The following CNST variants were observed in gnomAD, a reference collection of about 807,000 sequenced individuals.
CNST encodes the protein consortin.
A neutral mutation model predicts 72.4 loss-of-function variants in CNST; 39 were observed. The ratio of observed to expected loss-of-function variants is 0.54; its 90% confidence interval spans 0.42 to 0.70. The LOEUF is 0.70. Among genes scored for constraint, CNST ranks in the 30% least tolerant of loss-of-function variants. The pLI is 0.00. For synonymous variants in CNST, 332 were observed against 320.1 expected, an observed-to-expected ratio of 1.04 and a Z score of -0.40; for missense variants, 871 against 868.5, an observed-to-expected ratio of 1.00 and a Z score of -0.04.
chr1:246,661,063 A>G (rs1455343552), intron 10 of CNST, among the ~76,000 whole-genome samples: 4 of 151,820 alleles, frequency 2.6e-5, no homozygotes, highest in Non-Finnish European at 5.9e-5. Flanking sequence ...TCCACCTCCC[A>G]GGTTCAAGCA....
rs376925850 is a variant in CNST at position 246,617,432 on chromosome 1, C to T, written c.380-3997C>T. The stretch of plus-strand genomic sequence containing the variant: ...AAATAAGATTGGACTTGTCTCAGAA[C>T]TGCTTTACCACTCTTGTGACCTTTT... On this transcript the variant is annotated intron_variant, in intron 2 of 10. Coordinates refer to ENST00000366513, the MANE Select transcript of CNST (RefSeq NM_152609.3). Among the ~76,000 whole-genome samples the T allele has an allele frequency of 1.1e-4, 16 of 152,362 alleles. No individual in the cohort carries two copies. The East Asian group carries it at 2.7e-3, about 26-fold the overall frequency.
chr1:246,628,053 C>T (rs375081828), intron 3 of CNST, among the ~76,000 whole-genome samples: 2 of 152,044 alleles, frequency 1.3e-5, no homozygotes, highest in South Asian at 2.1e-4. Context: ...GTCTGATGGT[C>T]GAGGGCAGGA....
Position 246,666,163 on chromosome 1 carries a change from C to T in CNST, c.*258C>T. The T allele has an allele frequency of 2.3e-6, 1 of 443,932 alleles. No homozygotes were observed. The highest frequency in any genetic ancestry group is 3.2e-5 in the South Asian group (1 of 30,912). The allele number at this position is 443,932 out of a possible 1,614,324, so 27.5% of individuals were successfully genotyped here. On this transcript the variant is annotated 3_prime_UTR_variant, in exon 11 of 11. Transcript: ENST00000366513. ...CATATCCATCTCCTCCTCACTGCCT[C>T]CTAATGTCATGAGGTACACTGAGCA... is the stretch of plus-strand genomic sequence containing the variant.
At chr1:246,665,364 CCT>C (rs761245910) in intron 10 of CNST, among the ~76,000 whole-genome samples, 3 of 152,108 alleles carry the variant, frequency 2.0e-5, no homozygotes, top group Non-Finnish European at 4.4e-5. Flanking sequence ...AAAGTGAGAC[CCT>C]GTCTCTAAAA....
chr1:246,646,792 C>T (rs539207908), intron 8 of CNST, among the ~76,000 whole-genome samples: 1 of 152,120 alleles, frequency 6.6e-6, no homozygotes. Context: ...ATACACCATG[C>T]CTTAAATGTG....
intron 1 of CNST, among the ~76,000 whole-genome samples, chr1:246,571,096 G>C (rs1331383055): frequency 3.9e-5 from 6 of 152,172 alleles, no homozygotes; most frequent in Non-Finnish European, 8.8e-5. Context: ...ATTCGTTAAA[G>C]AACACATCAT....
chr1:246,617,519 C>A (rs140922382), intron 2 of CNST, among the ~76,000 whole-genome samples: 59 of 152,308 alleles, frequency 3.9e-4, no homozygotes, highest in African/African-American at 1.4e-3. Flanking sequence ...CTGCTTTTGG[C>A]ATGCACTGTC....
intron 8 of CNST, among the ~76,000 whole-genome samples, chr1:246,646,471 C>T (rs1666078547): frequency 6.6e-6 from 1 of 151,674 alleles, no homozygotes; most frequent in African/African-American, 2.4e-5. Context: ...CTTAATACAC[C>T]ATGTCTTTTT....
chr1:246,623,861 A>C (rs1020726481), intron 3 of CNST, among the ~76,000 whole-genome samples: 2 of 144,576 alleles, frequency 1.4e-5, no homozygotes, highest in African/African-American at 2.5e-5. Flanking sequence ...CAGGAGTTCA[A>C]GTCTAGCCTA....
chr1:246,640,538 C>T (rs750203847), intron 6 of CNST, among the ~76,000 whole-genome samples: 1 of 152,082 alleles, frequency 6.6e-6, no homozygotes, highest in African/African-American at 2.4e-5. Context: ...CAAAGGGAGA[C>T]AATAGTGTTT....
chr1:246,648,793 CTT>C (rs1195034084), intron 9 of CNST, among the ~76,000 whole-genome samples: 1 of 152,144 alleles, frequency 6.6e-6, no homozygotes, highest in African/African-American at 2.4e-5. Context: ...GCTGCCTTTC[CTT>C]TTCTTCACCA....
At chr1:246,658,391 G>A (rs1666883161) in intron 9 of CNST, among the ~76,000 whole-genome samples, 1 of 151,946 alleles carries the variant, frequency 6.6e-6, no homozygotes, top group Non-Finnish European at 1.5e-5. Flanking sequence ...GGCCACTAAA[G>A]TACTTCTGTT....
chr1:246,644,503 G>A (rs148153364), intron 8 of CNST, among the ~76,000 whole-genome samples: 32 of 151,840 alleles, frequency 2.1e-4, no homozygotes, highest in African/African-American at 6.5e-4. Flanking sequence ...GCTCTTCTCC[G>A]CCCTCCAGTT....
intron 1 of CNST, among the ~76,000 whole-genome samples, chr1:246,576,693 C>CAT (rs1393823319): frequency 6.6e-6 from 1 of 151,812 alleles, no homozygotes; most frequent in Non-Finnish European, 1.5e-5. Context: ...GGGATTTTTC[C>CAT]ATATTGGCCA....
chr1:246,659,431 G>A lies in CNST; in HGVS notation c.1837-768G>A, dbSNP rs181657046. Among the ~76,000 whole-genome samples, 1,424 of 152,038 alleles carry A rather than the reference G, an allele frequency of 9.4e-3. 9 individuals are homozygous for A. Among genetic ancestry groups the A allele is most frequent in the East Asian group, 0.031 (158 of 5,170 alleles). On this transcript the variant is annotated intron_variant, in intron 9 of 10. Transcript: ENST00000366513. ...AACTCGGTGAAACCCCGTCTCTACT[G>A]AAAATACAAAAAAATTAGCCGAGCA...
intron 8 of CNST, among the ~76,000 whole-genome samples, chr1:246,645,071 C>G (rs1402004507): frequency 2.6e-5 from 4 of 152,192 alleles, no homozygotes; most frequent in Non-Finnish European, 5.9e-5. Flanking sequence ...TTCTCCTGAT[C>G]TGCATCTGAT....
intron 3 of CNST, among the ~76,000 whole-genome samples, chr1:246,625,546 T>C (rs573511153): frequency 1.1e-4 from 17 of 149,576 alleles, no homozygotes; most frequent in African/African-American, 4.2e-4. Flanking sequence ...CTCAGCCTCC[T>C]GAGTAGCTGG....
At chr1:246,596,941 A>G (rs1572146638) in intron 2 of CNST, among the ~76,000 whole-genome samples, 1 of 152,192 alleles carries the variant, frequency 6.6e-6, no homozygotes, top group Non-Finnish European at 1.5e-5. Context: ...TTGCATGGAT[A>G]GACCGTATTT....
rs777928408 is a variant in CNST, at chr1:246,586,111, A to ATATATGTGTGTGTGTG, written c.-51-5400_-51-5399insATATGTGTGTGTGTGT. On this transcript the variant is annotated intron_variant, in intron 1 of 10. Coordinates refer to ENST00000366513, the MANE Select transcript of CNST (RefSeq NM_152609.3). Reference sequence around the variant, plus strand: ...GAGGGGGAGATATATATATATATATATGTGTGTGTGTGTGTGTGTGTGTGT... The same window carrying ATATATGTGTGTGTGTG: ...GAGGGGGAGATATATATATATATATATATATGTGTGTGTGTGTGTGTGTGTGTGTGTGTGTGTGTGT... Among the ~76,000 whole-genome samples, 680 of 102,622 alleles carry ATATATGTGTGTGTGTG rather than the reference A, an allele frequency of 6.6e-3. 15 individuals are homozygous for ATATATGTGTGTGTGTG. Among genetic ancestry groups the ATATATGTGTGTGTGTG allele is most frequent in the African/African-American group, 0.025 (627 of 24,968 alleles). 67.3% of individuals were successfully genotyped at this position (102,622 alleles called of 152,430 possible).
Sources: gnomAD v4.1 joint callset for allele counts (sites outside exome capture counted in the v4.1 genomes callset) on GRCh38, gnomAD v4.1.1 for gene constraint, MANE v1.5 for transcripts, NCBI Gene and HGNC (gene_info 2026-07-23, HGNC 2026-07-21) for gene names.